Variants in MACF1 observed in about 807,000 individuals in gnomAD.
The protein encoded by MACF1 is microtubule-actin cross-linking factor 1.
A neutral mutation model predicts 854.8 loss-of-function variants in MACF1; 193 were observed. That is an observed-to-expected ratio of 0.23 (90% CI 0.20 to 0.25). MACF1 has a LOEUF of 0.25. Among genes scored for constraint, MACF1 ranks in the 10% least tolerant of loss-of-function variants. The pLI, the probability that MACF1 is intolerant of heterozygous loss-of-function variation, is 1.00. For missense variants in MACF1, 7,722 were observed against 8,929.1 expected, an observed-to-expected ratio of 0.86 and a Z score of 5.45; for synonymous variants, 3,185 against 3,226.7, an observed-to-expected ratio of 0.99 and a Z score of 0.44.
chr1:39,441,773 T>G (rs1026548317), intron 74 of MACF1, among the ~76,000 whole-genome samples, 179 bp from the exon 75 acceptor site: 74 of 152,332 alleles, frequency 4.9e-4, no homozygotes, highest in African/African-American at 1.8e-3. Context: ...GCTCCATTAT[T>G]AAATCACCAT....
At chr1:39,123,783 G>A (rs1288313479) in intron 2 of MACF1, among the ~76,000 whole-genome samples, 8 of 146,886 alleles carry the variant, frequency 5.4e-5, no homozygotes, top group African/African-American at 2.0e-4. Context: ...AAGTGCAGTG[G>A]CATGATCTTG....
intron 2 of MACF1, among the ~76,000 whole-genome samples, chr1:39,123,822 CA>C (rs1258905848): frequency 7.1e-6 from 1 of 140,030 alleles, no homozygotes; most frequent in African/African-American, 2.6e-5. Flanking sequence ...CTCCTGGGTT[CA>C]AGCAATTCTC....
intron 58 of MACF1, chr1:39,414,623 G>A: frequency 7.9e-7 from 1 of 1,261,998 alleles, no homozygotes; most frequent in Non-Finnish European, 1.1e-6. Flanking sequence ...TTTCTGTTCA[G>A]TTTTTGGGGA....
At chr1:39,308,155 C>T (rs1039858353) in intron 23 of MACF1, among the ~76,000 whole-genome samples, 2 of 151,862 alleles carry the variant, frequency 1.3e-5, no homozygotes, top group South Asian at 2.1e-4. Context: ...CTGCCCTCCT[C>T]GGCCTCCCAA....
At chr1:39,157,298 A>G (rs183433424) in intron 2 of MACF1, among the ~76,000 whole-genome samples, 6 of 152,228 alleles carry the variant, frequency 3.9e-5, no homozygotes, top group Admixed American at 1.3e-4. Flanking sequence ...AGCTGTCACA[A>G]TTATTTAGCC....
In MACF1 at chr1:39,388,324, A is replaced by T; in HGVS notation, c.15482A>T (p.Asp5161Val). 6.2e-7 allele frequency: 1 copy of T among 1,614,182 alleles called. No individual in the cohort carries two copies. Among genetic ancestry groups the T allele is most frequent in the South Asian group, 1.1e-5 (1 of 91,084 alleles). The change falls in exon 58 of 101, where the codon GAT (aspartate) becomes GTT (valine). Residue 5161 changes from aspartate to valine, a missense_variant. Asp to Val is a radical substitution (Grantham distance 152). This residue lies in a region of MACF1 where 2,807 missense variants were observed against 3,235.8 expected (regional missense o/e 0.87). Transcript: ENST00000564288. ...DTDSLQSQIE[D>V]VRLFLNKIHV... The stretch of plus-strand genomic sequence containing the variant: ...GATAGCCTCCAGTCCCAAATCGAGG[A>T]TGTCCGGCTATTCCTTAACAAAATT...
intron 2 of MACF1, among the ~76,000 whole-genome samples, chr1:39,127,954 A>C (rs1045993915): frequency 6.6e-6 from 1 of 152,212 alleles, no homozygotes; most frequent in Non-Finnish European, 1.5e-5. Flanking sequence ...TCACTGTAAT[A>C]CATTTAAGCA....
intron 92 of MACF1, among the ~76,000 whole-genome samples, chr1:39,461,524 C>T (rs567853524): frequency 6.6e-6 from 1 of 152,088 alleles, no homozygotes; most frequent in African/African-American, 2.4e-5. Flanking sequence ...CGTGGTGGCT[C>T]GCGCCTGTAA....
intron 23 of MACF1, among the ~76,000 whole-genome samples, chr1:39,306,555 C>A (rs1296311078): frequency 6.6e-6 from 1 of 151,194 alleles, no homozygotes; most frequent in Non-Finnish European, 1.5e-5. Context: ...TATGGCCAAA[C>A]ACCACAGGCA....
At position 39,273,109 on chromosome 1, in the gene MACF1, T is replaced by C. The variant is rs1645357482; in HGVS notation, c.529-9099T>C. Among the ~76,000 whole-genome samples the C allele has an allele frequency of 2.6e-5, 4 of 151,468 alleles. No individual in the cohort carries two copies. The South Asian group carries it at 8.4e-4, about 32-fold the overall frequency. On this transcript the variant is annotated intron_variant, in intron 6 of 100. Coordinates refer to ENST00000564288, the MANE Select transcript of MACF1 (RefSeq NM_001394062.1). ...CACCTTGTTAGCGAATCCCATTTAA[T>C]GAAGCATTTACCTCTATACCAATTT...
In MACF1 at chr1:39,333,630, G is replaced by T. The variant is rs1248077799; in HGVS notation, c.7042G>T (p.Glu2348Ter). The T allele has an allele frequency of 6.2e-7, 1 of 1,614,214 alleles. No homozygotes were observed. The change falls in exon 37 of 101, where the codon GAA becomes TAA. Residue 2348 changes from glutamate (E) to a stop codon, truncating the protein, a stop_gained. Transcript: ENST00000564288. LOFTEE classifies it high-confidence loss of function. The stretch of plus-strand genomic sequence containing the variant: ...GACTTGTGAGTCTTTGACAACTGAA[G>T]AAGTCATTAATGAAGGTCTGATGGA... The part of the protein sequence containing the change: ...SQTCESLTTE[E>*]VINEGLMDEK...
At chr1:39,414,102 G>T in intron 58 of MACF1, 3 of 1,605,570 alleles carry the variant, frequency 1.9e-6, no homozygotes, top group Non-Finnish European at 2.5e-6. Context: ...CCCCCGAGGA[G>T]CCTGCCTCCC....
At chr1:39,431,358 G>A (rs1276848894) in intron 66 of MACF1, among the ~76,000 whole-genome samples, 3 of 152,060 alleles carry the variant, frequency 2.0e-5, no homozygotes, top group Non-Finnish European at 1.5e-5. Context: ...GTAAACACAG[G>A]TGTCATATTT....
chr1:39,331,649 A>G lies in MACF1; in HGVS notation c.5061A>G (p.Ser1687=). 6.2e-7 allele frequency: 1 copy of G among 1,614,164 alleles called. No homozygotes were observed. The highest frequency in any genetic ancestry group is 8.5e-7 in the Non-Finnish European group (1 of 1,180,022). Residue 1687 remains serine (S), a synonymous_variant, in exon 37 of 101, where the codon TCA becomes TCG. Transcript: ENST00000564288. ...GCCTCATTTCTGCATGGCTTCATTC[A>G]GTATTAGAGTCTTATCTTAGAACAT... ...HQGLISAWLH[S]VLESYLRTSK...
chr1:39,275,984 A>T (rs989667581), intron 6 of MACF1, among the ~76,000 whole-genome samples: 1 of 151,710 alleles, frequency 6.6e-6, no homozygotes, highest in Admixed American at 6.6e-5. Flanking sequence ...CAGTGGTGCA[A>T]TCATAGCTCA....
At position 39,443,597 on chromosome 1, in the gene MACF1, G is replaced by A. The variant is rs200370737; in HGVS notation, c.19431+23G>A. The A allele has an allele frequency of 7.6e-4, 1,199 of 1,581,536 alleles. 1 individual carries two copies. Among genetic ancestry groups the A allele is most frequent in the Non-Finnish European group, 9.0e-4 (1,052 of 1,168,650 alleles). Reference sequence around the variant, plus strand: ...ATGGTAATAGCAATTTTTTGAAATTGAGCATAAGCATCCCATATTCACTAG... The same window carrying A: ...ATGGTAATAGCAATTTTTTGAAATTAAGCATAAGCATCCCATATTCACTAG... On this transcript the variant is annotated intron_variant, in intron 79 of 100. Transcript: ENST00000564288.
At chr1:39,095,460 G>A (rs536817958) in intron 2 of MACF1, among the ~76,000 whole-genome samples, 1 of 150,460 alleles carries the variant, frequency 6.6e-6, no homozygotes, top group East Asian at 2.0e-4. Flanking sequence ...CTACTCAGTA[G>A]GCTGAGGCAG....
At chr1:39,224,979 G>GGA (rs1644696965) in intron 1 of MACF1, among the ~76,000 whole-genome samples, 3 of 152,100 alleles carry the variant, frequency 2.0e-5, no homozygotes, top group African/African-American at 7.2e-5. Flanking sequence ...GAGGCCAGGA[G>GGA]TTTGAGATCA....
At chr1:39,194,185 C>T (rs1644288669) in intron 2 of MACF1, among the ~76,000 whole-genome samples, 1 of 152,064 alleles carries the variant, frequency 6.6e-6, no homozygotes, top group Admixed American at 6.6e-5. Flanking sequence ...TTATTTTCTG[C>T]CCCTCCTCTT....
Sources: gnomAD v4.1 joint callset for allele counts (sites outside exome capture counted in the v4.1 genomes callset) on GRCh38, gnomAD v4.1.1 for gene constraint, gnomAD v4.1.1 regional missense constraint, MANE v1.5 for transcripts, NCBI Gene and HGNC (gene_info 2026-07-23, HGNC 2026-07-21) for gene names.